The following C3 variants were observed in gnomAD, a reference collection of about 807,000 sequenced individuals.
C3 encodes complement C3.
In C3, 97 loss-of-function variants were observed where a neutral mutation model predicts 207.9. That is an observed-to-expected ratio of 0.47 (90% CI 0.40 to 0.55). C3 has a LOEUF of 0.55. Among genes scored for constraint, C3 ranks in the 20% least tolerant of loss-of-function variants. The probability of loss-of-function intolerance (pLI) is 0.00; values close to 1 mark genes in which losing one functional copy is unlikely to be tolerated. For synonymous variants in C3, 848 were observed against 857.6 expected (o/e 0.99, Z 0.20); for missense variants, 1,684 against 2,171.7 (o/e 0.78, Z 4.46).
In C3 at chr19:6,712,379, G is replaced by C. The variant is rs1967937026; in HGVS notation, c.1147C>G (p.Pro383Ala). 7.4e-6 allele frequency: 12 copies of C among 1,614,168 alleles called. No individual in the cohort carries two copies. Among genetic ancestry groups the C allele is most frequent in the Non-Finnish European group, 1.0e-5 (12 of 1,180,006 alleles). ...ACTGCCACGGGGACTCGGTAGGCTG[G>C]AGAGCCATCAGGGTTCGTCACGAAC... ...MVFVTNPDGS[P>A]AYRVPVAVQG... is the part of the protein sequence containing the mutation. The change falls in exon 11 of 41, where the codon CCA (proline) becomes GCA (alanine). Residue 383 changes from proline (P) to alanine (A), a missense_variant. By Grantham distance (27) the Pro-to-Ala change is conservative (BLOSUM62 -1). This residue lies in a region of C3 where 1,280 missense variants were observed against 1,739.1 expected (regional missense o/e 0.74). Transcript: ENST00000245907.
At chr19:6,695,503 A>G (rs10406463) in intron 23 of C3, among the ~76,000 whole-genome samples, 97,538 of 151,788 alleles carry the variant, frequency 0.64, 31,961 homozygotes, top group African/African-American at 0.77. Context: ...TGTTTGAGAC[A>G]AAGTCTTGCT....
chr19:6,709,982 A>G (rs1027997642), intron 13 of C3, 140 bp from the exon 14 acceptor site: 1 of 485,624 alleles, frequency 2.1e-6, no homozygotes. Flanking sequence ...AGAGAGGGAG[A>G]GAGAGAGAAA....
At chr19:6,700,217 C>CATATATATTATATATGTAATATACA (rs1967615216) in intron 19 of C3, among the ~76,000 whole-genome samples, 1 of 115,400 alleles carries the variant, frequency 8.7e-6, no homozygotes, top group African/African-American at 3.1e-5. Context: ...GTATATATTA[C>CATATATATTATATATGTAATATACA]ATATATATTA....
chr19:6,695,526 C>T (rs1967512776), intron 23 of C3, among the ~76,000 whole-genome samples: 1 of 152,090 alleles, frequency 6.6e-6, no homozygotes, highest in Non-Finnish European at 1.5e-5. Flanking sequence ...GCCGCCCAGG[C>T]TGGAGTGCAG....
intron 9 of C3, 27 bp from the exon 10 acceptor site, chr19:6,712,650 C>G: frequency 6.3e-7 from 1 of 1,584,822 alleles, no homozygotes; most frequent in Non-Finnish European, 8.7e-7. Flanking sequence ...TGAGTGTAGG[C>G]TTCTGGGCCA....
chr19:6,689,476 G>A (rs11569521), intron 27 of C3, among the ~76,000 whole-genome samples: 2 of 151,200 alleles, frequency 1.3e-5, no homozygotes, highest in Non-Finnish European at 2.9e-5. Context: ...TTTTCCTAAG[G>A]GGGGAGAAGC....
chr19:6,686,523 T>C, intron 28 of C3: 1 of 726,128 alleles, frequency 1.4e-6, no homozygotes, highest in Non-Finnish European at 2.4e-6. Flanking sequence ...CGCAACAAAC[T>C]TTCTCGTGTG....
In C3 at chr19:6,711,166, C is replaced by T; in HGVS notation, c.1300G>A (p.Ala434Thr). The T allele has an allele frequency of 2.5e-6, 4 of 1,613,696 alleles. No homozygotes were observed. The highest frequency in any genetic ancestry group is 2.2e-5 in the East Asian group (1 of 44,878). ...TGCATGGTCCTGGTAGCCTGCTCTG[C>T]CTCCGAGAGCTCCTGCTTCTTCGTG... ...VRTKKQELSE[A>T]EQATRTMQAL... The change falls in exon 12 of 41, where the codon GCA (alanine) becomes ACA (threonine). Residue 434 changes from alanine to threonine, a missense_variant. Coordinates refer to ENST00000245907, the MANE Select transcript of C3 (RefSeq NM_000064.4).
At chr19:6,690,520 T>C (rs1446492453) in intron 27 of C3, 109 bp downstream of exon 27, 1 of 826,500 alleles carries the variant, frequency 1.2e-6, no homozygotes, top group Non-Finnish European at 2.1e-6. Flanking sequence ...ATGTCTGTTA[T>C]TGCACTGGGA....
In C3 at chr19:6,720,577, A is replaced by G; in HGVS notation, c.13T>C (p.Ser5Pro). 1 of 1,582,224 alleles carries G rather than the reference A, an allele frequency of 6.3e-7. No individual in the cohort carries two copies. The highest frequency in any genetic ancestry group is 8.6e-7 in the Non-Finnish European group (1 of 1,163,686). Residue 5 changes from serine (S) to proline (P), a missense_variant, in exon 1 of 41, where the codon TCA becomes CCA. This residue lies in a region of C3 where 58 missense variants were observed against 52.5 expected (regional missense o/e 1.10). Coordinates refer to ENST00000245907, the MANE Select transcript of C3 (RefSeq NM_000064.4). The part of the protein sequence containing the change: MGPT[S>P]GPSLLLLLLT... ...AGCAGGAGCAGCAGGCTGGGACCTG[A>G]GGTGGGTCCCATGGTGCTGGGACAG...
chr19:6,693,618 C>T (rs890096191), intron 24 of C3, 131 bp from the exon 25 acceptor site: 19 of 777,704 alleles, frequency 2.4e-5, no homozygotes, highest in African/African-American at 2.1e-4. Flanking sequence ...GAGGAGGGGA[C>T]CTTAAAAAGG....
intron 24 of C3, among the ~76,000 whole-genome samples, chr19:6,693,952 T>A (rs1918235184): frequency 1.4e-5 from 2 of 139,952 alleles, no homozygotes; most frequent in Non-Finnish European, 3.0e-5. Flanking sequence ...TCAGAGGGCG[T>A]GGCCTTGAGA....
Position 6,707,190 on chromosome 19 carries a change from T to C in C3, c.2131A>G (p.Thr711Ala). The C allele has an allele frequency of 6.2e-7, 1 of 1,613,560 alleles. No individual in the cohort carries two copies. The highest frequency in any genetic ancestry group is 8.5e-7 in the Non-Finnish European group (1 of 1,179,852). ...GCCTCGCCCAGGGAGATGAAACGGGTCCGGCGCTGGCACGAGAACCTCATG... is the reference window on the plus strand; with the variant it reads ...GCCTCGCCCAGGGAGATGAAACGGGCCCGGCGCTGGCACGAGAACCTCATG... ...NPMRFSCQRR[T>A]RFISLGEACK... Residue 711 changes from threonine (T) to alanine (A), a missense_variant, in exon 17 of 41, where the codon ACC becomes GCC. By Grantham distance (58) the Thr-to-Ala change is moderately conservative. This residue lies in a region of C3 where 1,280 missense variants were observed against 1,739.1 expected (regional missense o/e 0.74). Coordinates refer to ENST00000245907, the MANE Select transcript of C3 (RefSeq NM_000064.4).
At chr19:6,707,577 C>T in intron 15 of C3, 40 bp from the exon 16 acceptor site, 1 of 1,609,622 alleles carries the variant, frequency 6.2e-7, no homozygotes, top group Non-Finnish European at 8.5e-7. Context: ...GGATGAGGCA[C>T]CTACTAGGTG....
At chr19:6,718,211 C>A (rs2291665) in intron 3 of C3, 36 bp downstream of exon 3, 2 of 1,614,082 alleles carry the variant, frequency 1.2e-6, no homozygotes, top group Non-Finnish European at 1.7e-6. Flanking sequence ...CCGCCCACGC[C>A]GGTGCCCCGC....
At chr19:6,718,476 C>T in intron 2 of C3, 64 bp from the exon 3 acceptor site, 2 of 1,591,450 alleles carry the variant, frequency 1.3e-6, no homozygotes, top group Non-Finnish European at 1.7e-6. Flanking sequence ...GTCCAGCTTC[C>T]GGATCTTGGG....
chr19:6,702,114 C>G lies in C3; in HGVS notation c.2440+13G>C, dbSNP rs747719350. The G allele has an allele frequency of 1.3e-4, 194 of 1,500,358 alleles. No individual in the cohort carries two copies. The highest frequency in any genetic ancestry group is 1.8e-4 in the Non-Finnish European group (189 of 1,078,544). 92.9% of individuals were successfully genotyped at this position (1,500,358 alleles called of 1,614,324 possible). A position where few individuals can be genotyped will look rare whatever the true frequency, so the allele number is the denominator to read the frequency against. On this transcript the variant is annotated intron_variant, in intron 19 of 40. Transcript: ENST00000245907. Reference sequence around the variant, plus strand: ...TCCCTGCCTCCCGGGGACCAGCCAGCATCCTCTCTCACCTTTCTTGTCCGA... The same window carrying G: ...TCCCTGCCTCCCGGGGACCAGCCAGGATCCTCTCTCACCTTTCTTGTCCGA...
intron 37 of C3, 97 bp from the exon 38 acceptor site, chr19:6,679,305 T>A (rs979834917): frequency 6.9e-7 from 1 of 1,445,272 alleles, no homozygotes; most frequent in Non-Finnish European, 9.7e-7. Flanking sequence ...CCCCCCTTGG[T>A]ATCCCCTGGG....
intron 14 of C3, among the ~76,000 whole-genome samples, chr19:6,709,334 G>A (rs576368989): frequency 6.6e-6 from 1 of 152,302 alleles, no homozygotes; most frequent in Admixed American, 6.5e-5. Flanking sequence ...TGTAGTCCCA[G>A]CTACTAGGGA....
Sources: gnomAD v4.1 joint callset for allele counts (sites outside exome capture counted in the v4.1 genomes callset) on GRCh38, gnomAD v4.1.1 for gene constraint, gnomAD v4.1.1 regional missense constraint, MANE v1.5 for transcripts, NCBI Gene and HGNC (gene_info 2026-07-23, HGNC 2026-07-21) for gene names.